Variants in SLC17A3 observed in about 807,000 individuals in gnomAD.
SLC17A3 encodes sodium-dependent phosphate transport protein 4.
In SLC17A3, 61 loss-of-function variants were observed where a neutral mutation model predicts 60.3. The ratio of observed to expected loss-of-function variants is 1.01; its 90% confidence interval spans 0.82 to 1.25. The LOEUF is 1.25. Ranked by LOEUF, SLC17A3 falls within the 50% of genes most tolerant of loss-of-function variation. SLC17A3 has a pLI of 0.00. For synonymous variants in SLC17A3, 192 were observed against 208.9 expected (o/e 0.92, Z 0.70); for missense variants, 624 against 594.9 (o/e 1.05, Z -0.51).
At chr6:25,861,541 G>A in intron 5 of SLC17A3, 83 bp downstream of exon 5, 1 of 1,031,522 alleles carries the variant, frequency 9.7e-7, no homozygotes, top group South Asian at 1.3e-5. Flanking sequence ...AGATGATGAG[G>A]AACTATGCAA....
At position 25,862,455 on chromosome 6, in the gene SLC17A3, T is replaced by C; in HGVS notation, c.92-11A>G. On this transcript the variant is annotated splice_polypyrimidine_tract_variant and intron_variant, in intron 2 of 12. Transcript: ENST00000397060. ...AACATAAACTTGGAACTGGAAATAT[T>C]ATGACATCATATTAGTGTTTTTTAA... is the stretch of plus-strand genomic sequence containing the variant. 1 of 1,590,622 alleles carries C rather than the reference T, an allele frequency of 6.3e-7. No homozygotes were observed. Among genetic ancestry groups the C allele is most frequent in the Non-Finnish European group, 8.6e-7 (1 of 1,158,778 alleles).
intron 11 of SLC17A3, among the ~76,000 whole-genome samples, chr6:25,848,868 C>A (rs181443658): frequency 3.9e-4 from 59 of 152,160 alleles, no homozygotes; most frequent in African/African-American, 1.4e-3. Flanking sequence ...ATATCCAGAA[C>A]CTACAATGAA....
At chr6:25,847,445 G>T (rs116510165) in intron 11 of SLC17A3, among the ~76,000 whole-genome samples, 1 of 152,084 alleles carries the variant, frequency 6.6e-6, no homozygotes, top group Non-Finnish European at 1.5e-5. Context: ...GAATTGCTGC[G>T]TAGAATGGAA....
rs1765262872 is a variant in SLC17A3 at position 25,850,793 on chromosome 6, T to C, written c.797A>G (p.Glu266Gly). ...PVSYPWISTS[E>G]KEYIISSLKQ... The stretch of plus-strand genomic sequence containing the variant: ...CAAGGAGGATATGATGTATTCTTTT[T>C]CTGAGGTGCTTATCCATGGATAGGA... The change falls in exon 7 of 13, where the codon GAA becomes GGA. Residue 266 changes from glutamate to glycine, a missense_variant. Coordinates refer to ENST00000397060, the MANE Select transcript of SLC17A3 (RefSeq NM_001098486.2). 1.2e-6 allele frequency: 2 copies of C among 1,614,096 alleles called. No individual in the cohort carries two copies.
At chr6:25,846,054 C>G (rs1374775884) in intron 11 of SLC17A3, among the ~76,000 whole-genome samples, 1 of 152,122 alleles carries the variant, frequency 6.6e-6, no homozygotes, top group Non-Finnish European at 1.5e-5. Flanking sequence ...ACATCACACA[C>G]TTAATGTTTG....
intron 1 of SLC17A3, among the ~76,000 whole-genome samples, chr6:25,868,684 C>A (rs1265197464): frequency 1.3e-5 from 2 of 151,888 alleles, no homozygotes; most frequent in African/African-American, 4.8e-5. Context: ...CAAGTTCAAA[C>A]TCAGGTTCAT....
rs140498998 is a variant in SLC17A3 at position 25,873,449 on chromosome 6, C to T, written c.-34+718G>A. 1.1e-4 allele frequency among the ~76,000 whole-genome samples: 16 copies of T among 152,150 alleles called. No individual in the cohort carries two copies. In the East Asian group the frequency reaches 1.9e-3, roughly 18 times the overall value. On this transcript the variant is annotated intron_variant, in intron 1 of 12. Coordinates refer to ENST00000397060, the MANE Select transcript of SLC17A3 (RefSeq NM_001098486.2). Reference sequence around the variant, plus strand: ...GCAGGGAGTGTTCTAACAGCATCTTCCCACACATCTGTGAAGTTGCAGCTG... The same window carrying T: ...GCAGGGAGTGTTCTAACAGCATCTTTCCACACATCTGTGAAGTTGCAGCTG...
rs1270964571 is a variant in SLC17A3 at position 25,867,665 on chromosome 6, A to G, written c.91+632T>C. Among the ~76,000 whole-genome samples, 4 of 152,074 alleles carry G rather than the reference A, an allele frequency of 2.6e-5. No individual in the cohort carries two copies. In the South Asian group the frequency reaches 6.2e-4, roughly 24 times the overall value. On this transcript the variant is annotated intron_variant, in intron 2 of 12. Coordinates refer to ENST00000397060, the MANE Select transcript of SLC17A3 (RefSeq NM_001098486.2). The stretch of plus-strand genomic sequence containing the variant: ...CCTACAAATTAAATATCCAGTCACA[A>G]GAAGATTTTTCAGCTAAGAAATACT...
At chr6:25,854,877 C>A (rs1765334139) in intron 6 of SLC17A3, among the ~76,000 whole-genome samples, 1 of 152,150 alleles carries the variant, frequency 6.6e-6, no homozygotes, top group Admixed American at 6.5e-5. Context: ...CAAGCCTATC[C>A]CCTACTGCCT....
intron 9 of SLC17A3, 31 bp from the exon 10 acceptor site, chr6:25,849,983 G>C: frequency 1.2e-6 from 2 of 1,613,976 alleles, no homozygotes; most frequent in Non-Finnish European, 1.7e-6. Context: ...CAATTAAACA[G>C]TGAGATGCAT....
intron 7 of SLC17A3, 53 bp downstream of exon 7, chr6:25,850,706 C>G: frequency 1.9e-6 from 3 of 1,604,358 alleles, no homozygotes; most frequent in Non-Finnish European, 2.6e-6. Context: ...TTTAAGGCCT[C>G]AAGAAAATCC....
chr6:25,873,306 A>G (rs1765674176), intron 1 of SLC17A3, among the ~76,000 whole-genome samples: 2 of 152,204 alleles, frequency 1.3e-5, no homozygotes, highest in South Asian at 4.1e-4. Context: ...CTAAAAAGCT[A>G]TGCTGGTTAT....
chr6:25,867,455 C>T (rs1765555389), intron 2 of SLC17A3, among the ~76,000 whole-genome samples: 1 of 151,998 alleles, frequency 6.6e-6, no homozygotes, highest in Non-Finnish European at 1.5e-5. Flanking sequence ...CTCTTTGCCT[C>T]ACAATTTTCA....
At chr6:25,866,427 A>C (rs1378135714) in intron 2 of SLC17A3, among the ~76,000 whole-genome samples, 2 of 152,038 alleles carry the variant, frequency 1.3e-5, no homozygotes, top group Non-Finnish European at 2.9e-5. Flanking sequence ...TGAGAATGCA[A>C]CTTAATCAAC....
intron 5 of SLC17A3, among the ~76,000 whole-genome samples, chr6:25,861,368 G>A (rs1765443595): frequency 6.6e-6 from 1 of 152,050 alleles, no homozygotes; most frequent in African/African-American, 2.4e-5. Context: ...CAGATGCCAT[G>A]AAAATGATCA....
chr6:25,873,949 C>T lies in SLC17A3; in HGVS notation c.-34+218G>A, dbSNP rs373861126. Reference sequence around the variant, plus strand: ...CCATAGCTGCTACTGTCTCCACTAGCTAGTTTCAAAGCATATGGATGATCA... The same window carrying T: ...CCATAGCTGCTACTGTCTCCACTAGTTAGTTTCAAAGCATATGGATGATCA... On this transcript the variant is annotated intron_variant, in intron 1 of 12. Coordinates refer to ENST00000397060, the MANE Select transcript of SLC17A3 (RefSeq NM_001098486.2). Among the ~76,000 whole-genome samples, 29 of 152,268 alleles carry T rather than the reference C, an allele frequency of 1.9e-4. No homozygotes were observed. The South Asian group carries it at 5.8e-3, about 30-fold the overall frequency.
intron 1 of SLC17A3, among the ~76,000 whole-genome samples, chr6:25,873,929 G>A (rs1765688551): frequency 6.6e-6 from 1 of 152,066 alleles, no homozygotes; most frequent in Non-Finnish European, 1.5e-5. Flanking sequence ...ATCTTCCATA[G>A]CTGCTACTGT....
At chr6:25,866,004 T>C (rs67554133) in intron 2 of SLC17A3, among the ~76,000 whole-genome samples, 1 of 151,986 alleles carries the variant, frequency 6.6e-6, no homozygotes, top group Non-Finnish European at 1.5e-5. Flanking sequence ...TATTTCTTAA[T>C]TTGATGTGAC....
At chr6:25,853,293 T>TTC (rs58714145) in intron 6 of SLC17A3, among the ~76,000 whole-genome samples, 1 of 150,804 alleles carries the variant, frequency 6.6e-6, no homozygotes, top group Non-Finnish European at 1.5e-5. Flanking sequence ...TTATCTCTCT[T>TTC]TCTCTCTCTC....
Sources: allele counts gnomAD v4.1 joint callset (sites outside exome capture counted in the v4.1 genomes callset), GRCh38; gene constraint gnomAD v4.1.1; transcripts MANE v1.5; gene names NCBI Gene and HGNC (gene_info 2026-07-23, HGNC 2026-07-21).